Variants in FARS2 observed in about 807,000 individuals in gnomAD.
FARS2 encodes phenylalanyl-tRNA synthetase 2, mitochondrial, also known as phenylalanine--tRNA ligase, mitochondrial.
A neutral mutation model predicts 46.4 loss-of-function variants in FARS2; 40 were observed. The ratio of observed to expected loss-of-function variants is 0.86; its 90% confidence interval spans 0.67 to 1.12. FARS2 has a LOEUF of 1.12. Among genes scored for constraint, FARS2 ranks in the 50% most tolerant of loss-of-function variants. The pLI is 0.00. For missense variants in FARS2, 513 were observed against 567.9 expected, an observed-to-expected ratio of 0.90 and a Z score of 0.98; for synonymous variants, 234 against 214.9, an observed-to-expected ratio of 1.09 and a Z score of -0.78.
intron 3 of FARS2, among the ~76,000 whole-genome samples, chr6:5,413,253 A>G (rs369043208): frequency 2.9e-4 from 44 of 152,336 alleles, no homozygotes; most frequent in Middle Eastern, 3.4e-3. Flanking sequence ...GGCAGAGGAT[A>G]ACAGAGAGGT....
intron 6 of FARS2, among the ~76,000 whole-genome samples, chr6:5,705,682 T>C (rs1274102894): frequency 1.3e-5 from 2 of 152,176 alleles, no homozygotes; most frequent in African/African-American, 4.8e-5. Flanking sequence ...TTATTTCCTT[T>C]TGTTTGCCTA....
At chr6:5,361,155 ATT>A (rs1192031214) in intron 1 of FARS2, among the ~76,000 whole-genome samples, 10 of 152,170 alleles carry the variant, frequency 6.6e-5, no homozygotes, top group Non-Finnish European at 1.0e-4. Flanking sequence ...GTAGGTGTAT[ATT>A]TATAGAGTTA....
At chr6:5,688,253 G>C (rs541648008) in intron 6 of FARS2, among the ~76,000 whole-genome samples, 27 of 152,272 alleles carry the variant, frequency 1.8e-4, no homozygotes, top group Non-Finnish European at 2.5e-4. Context: ...TAGGAGTGGT[G>C]GGAGAGGGCA....
chr6:5,683,757 C>T (rs1346796901), intron 6 of FARS2, among the ~76,000 whole-genome samples: 1 of 152,086 alleles, frequency 6.6e-6, no homozygotes, highest in African/African-American at 2.4e-5. Flanking sequence ...TGTCCTAATG[C>T]TCTCCCTCCC....
chr6:5,337,493 T>C (rs1416596683), intron 1 of FARS2, among the ~76,000 whole-genome samples: 1 of 152,142 alleles, frequency 6.6e-6, no homozygotes, highest in Non-Finnish European at 1.5e-5. Context: ...TAAATTCCAA[T>C]TTTCTTTTGT....
chr6:5,333,640 G>A (rs1425404669), intron 1 of FARS2, among the ~76,000 whole-genome samples: 1 of 152,224 alleles, frequency 6.6e-6, no homozygotes, highest in African/African-American at 2.4e-5. Flanking sequence ...GCAGGCAGGT[G>A]TCTTTCTGAA....
rs766197918 is a variant in FARS2, at chr6:5,523,986, A to T, written c.905-21194A>T. ...TCAAAGGGGTCATGTTTCCAAGAAC[A>T]TGATGAATTCTTAGTTTTTACCAAT... On this transcript the variant is annotated intron_variant, in intron 4 of 6. Transcript: ENST00000274680. Among the ~76,000 whole-genome samples, 575 of 152,306 alleles carry T rather than the reference A, an allele frequency of 3.8e-3. 6 individuals are homozygous for T. Among genetic ancestry groups the T allele is most frequent in the Admixed American group, 7.2e-3 (110 of 15,290 alleles).
intron 5 of FARS2, among the ~76,000 whole-genome samples, chr6:5,604,433 A>C (rs1282439950): frequency 6.6e-6 from 1 of 152,136 alleles, no homozygotes; most frequent in East Asian, 1.9e-4. Context: ...GCTCATTAGC[A>C]GGTGCTCGCA....
At chr6:5,605,673 G>A (rs1774793113) in intron 5 of FARS2, among the ~76,000 whole-genome samples, 1 of 152,166 alleles carries the variant, frequency 6.6e-6, no homozygotes, top group South Asian at 2.1e-4. Context: ...TCTGACCTTG[G>A]GGTGTCAGCC....
At chr6:5,478,267 C>T (rs1184163957) in intron 4 of FARS2, among the ~76,000 whole-genome samples, 2 of 152,178 alleles carry the variant, frequency 1.3e-5, no homozygotes, top group Non-Finnish European at 2.9e-5. Context: ...ACCTGGCTGT[C>T]TATTGGTAGC....
rs566702126 is a variant in FARS2 at position 5,415,689 on chromosome 6, A to T, written c.772+10988A>T. ...ATTTGCATTCATATAACTATTTGGC[A>T]AAGTATTCAAATATTTTGCCCATTT... On this transcript the variant is annotated intron_variant, in intron 3 of 6. Coordinates refer to ENST00000274680, the MANE Select transcript of FARS2 (RefSeq NM_006567.5). 6.6e-5 allele frequency among the ~76,000 whole-genome samples: 10 copies of T among 152,190 alleles called. No individual in the cohort carries two copies. The South Asian group carries it at 2.1e-3, about 32-fold the overall frequency.
chr6:5,279,309 G>A (rs1329386175), intron 1 of FARS2, among the ~76,000 whole-genome samples: 2 of 150,316 alleles, frequency 1.3e-5, no homozygotes, highest in Non-Finnish European at 3.0e-5. Flanking sequence ...CCCGGGAGGC[G>A]GAGGTTGCAG....
chr6:5,590,618 C>T (rs1773861009), intron 5 of FARS2, among the ~76,000 whole-genome samples: 2 of 152,218 alleles, frequency 1.3e-5, no homozygotes, highest in South Asian at 2.1e-4. Context: ...GCACTATTCA[C>T]ATTCATCTTT....
At chr6:5,280,815 T>C (rs948862857) in intron 1 of FARS2, among the ~76,000 whole-genome samples, 1 of 152,118 alleles carries the variant, frequency 6.6e-6, no homozygotes, top group Non-Finnish European at 1.5e-5. Context: ...AATTATACAC[T>C]GTGTATAATT....
chr6:5,294,662 G>A (rs1365339230), intron 1 of FARS2, among the ~76,000 whole-genome samples: 4 of 152,080 alleles, frequency 2.6e-5, no homozygotes, highest in East Asian at 3.9e-4. Flanking sequence ...CAGGACTCAG[G>A]GGAAAACTTA....
intron 4 of FARS2, among the ~76,000 whole-genome samples, chr6:5,473,622 A>G (rs1381246857): frequency 6.6e-6 from 1 of 151,446 alleles, no homozygotes; most frequent in Non-Finnish European, 1.5e-5. Flanking sequence ...ATTGAATTAT[A>G]TTTACATACA....
At chr6:5,629,703 G>A (rs1455111868) in intron 6 of FARS2, among the ~76,000 whole-genome samples, 1 of 152,164 alleles carries the variant, frequency 6.6e-6, no homozygotes, top group East Asian at 1.9e-4. Flanking sequence ...TAAGGTTGGT[G>A]GTTGGAAAAC....
At chr6:5,602,709 A>T (rs1774604435) in intron 5 of FARS2, among the ~76,000 whole-genome samples, 1 of 147,828 alleles carries the variant, frequency 6.8e-6, no homozygotes, top group African/African-American at 2.5e-5. Flanking sequence ...AGGTGCATGG[A>T]GACATTTATA....
At chr6:5,766,031 C>T (rs2150984408) in intron 6 of FARS2, among the ~76,000 whole-genome samples, 1 of 152,330 alleles carries the variant, frequency 6.6e-6, no homozygotes, top group Admixed American at 6.5e-5. Flanking sequence ...GAAATTGTAG[C>T]ACCAAAAAAA....
Sources: gnomAD v4.1 joint callset for allele counts (sites outside exome capture counted in the v4.1 genomes callset) on GRCh38, gnomAD v4.1.1 for gene constraint, MANE v1.5 for transcripts, NCBI Gene and HGNC (gene_info 2026-07-23, HGNC 2026-07-21) for gene names.